Variants in MYO3B observed in about 807,000 individuals in gnomAD.
MYO3B encodes myosin IIIB, also known as myosin-IIIb.
In MYO3B, 156 loss-of-function variants were observed where a neutral mutation model predicts 174.6. The observed-to-expected ratio is 0.89, with a 90% CI of 0.78 to 1.02. MYO3B has a LOEUF of 1.02. MYO3B is among the 50% of genes least tolerant of loss of function. The probability of loss-of-function intolerance (pLI) is 0.00; values close to 1 mark genes in which losing one functional copy is unlikely to be tolerated. For synonymous variants in MYO3B, 563 were observed against 569.1 expected (o/e 0.99, Z 0.15); for missense variants, 1,632 against 1,639.4 (o/e 1.00, Z 0.08).
At chr2:170,393,928 G>T (rs560842756) in intron 16 of MYO3B, among the ~76,000 whole-genome samples, 2 of 152,118 alleles carry the variant, frequency 1.3e-5, no homozygotes, top group Non-Finnish European at 2.9e-5. Flanking sequence ...TTAACTTAAA[G>T]AACAGGTTTT....
chr2:170,521,658 TC>T (rs1688675576), intron 30 of MYO3B, among the ~76,000 whole-genome samples: 1 of 152,200 alleles, frequency 6.6e-6, no homozygotes, highest in Admixed American at 6.5e-5. Flanking sequence ...AGGTAGCACC[TC>T]CCCTGCTTTC....
rs1574691363 is a variant in MYO3B at position 170,271,500 on chromosome 2, C to A, written c.749+35364C>A. On this transcript the variant is annotated intron_variant, in intron 7 of 34. Coordinates refer to ENST00000408978, the MANE Select transcript of MYO3B (RefSeq NM_138995.5). ...GTGTCTCAATTATGAAGGGAGGTGG[C>A]CTACCAAAGTTGATACTTTGATATT... Among the ~76,000 whole-genome samples, 7 of 152,252 alleles carry A rather than the reference C, an allele frequency of 4.6e-5. 1 individual carries two copies. Among genetic ancestry groups the A allele is most frequent in the Admixed American group, 4.6e-4 (7 of 15,284 alleles).
intron 7 of MYO3B, among the ~76,000 whole-genome samples, chr2:170,247,355 G>T (rs2093202735): frequency 6.6e-6 from 1 of 152,168 alleles, no homozygotes; most frequent in Admixed American, 6.5e-5. Context: ...TGTGGAATAT[G>T]ATCCGAAGAG....
At chr2:170,335,624 T>A (rs1035936377) in intron 8 of MYO3B, among the ~76,000 whole-genome samples, 174 bp downstream of exon 8, 2 of 152,212 alleles carry the variant, frequency 1.3e-5, no homozygotes, top group African/African-American at 4.8e-5. Flanking sequence ...ATGTGAAAAG[T>A]AAGGCGTTCC....
chr2:170,181,764 T>G (rs2092402348), intron 1 of MYO3B, among the ~76,000 whole-genome samples: 1 of 152,190 alleles, frequency 6.6e-6, no homozygotes, highest in Non-Finnish European at 1.5e-5. Flanking sequence ...ATATGTAAAG[T>G]AAATGCCTAC....
intron 6 of MYO3B, among the ~76,000 whole-genome samples, chr2:170,228,650 C>G (rs1200107957): frequency 1.3e-5 from 2 of 152,120 alleles, no homozygotes; most frequent in African/African-American, 4.8e-5. Context: ...CTCTTCTACC[C>G]TCCACTAGCT....
intron 32 of MYO3B, among the ~76,000 whole-genome samples, chr2:170,576,046 T>G (rs1692762447): frequency 6.6e-6 from 1 of 152,092 alleles, no homozygotes. Flanking sequence ...CTAGCCAAAG[T>G]CCCCAGACTC....
rs553487010 is a variant in MYO3B, at chr2:170,628,554, C to T, written c.3734-23074C>T. ...CGCTCAGTGCGCTGCACCCACCGTCCGACAAGCCCCTGTGAGATGAACCCG... is the reference window on the plus strand; with the variant it reads ...CGCTCAGTGCGCTGCACCCACCGTCTGACAAGCCCCTGTGAGATGAACCCG... On this transcript the variant is annotated intron_variant, in intron 32 of 34. Coordinates refer to ENST00000408978, the MANE Select transcript of MYO3B (RefSeq NM_138995.5). Among the ~76,000 whole-genome samples, 139 of 152,296 alleles carry T rather than the reference C, an allele frequency of 9.1e-4. 1 individual carries two copies. The Middle Eastern group carries it at 0.014, about 15-fold the overall frequency.
intron 7 of MYO3B, among the ~76,000 whole-genome samples, chr2:170,321,197 A>G (rs1361585950): frequency 1.3e-5 from 2 of 152,226 alleles, no homozygotes; most frequent in Admixed American, 6.5e-5. Context: ...CTGAATACCT[A>G]TATTAATGAT....
rs554467531 is a variant in MYO3B at position 170,321,975 on chromosome 2, G to A, written c.750-13410G>A. 9.9e-5 allele frequency among the ~76,000 whole-genome samples: 15 copies of A among 152,116 alleles called. No homozygotes were observed. In the East Asian group the frequency reaches 1.7e-3, roughly 18 times the overall value. On this transcript the variant is annotated intron_variant, in intron 7 of 34. Coordinates refer to ENST00000408978, the MANE Select transcript of MYO3B (RefSeq NM_138995.5). ...CTAAAAATACCAAAATTAGCTGGGC[G>A]TGGTGGCACGTGCCTGTAATCCCAG...
chr2:170,651,593 G>T (rs763285921), intron 32 of MYO3B, 35 bp from the exon 33 acceptor site: 6 of 1,580,082 alleles, frequency 3.8e-6, no homozygotes, highest in Non-Finnish European at 5.2e-6. Flanking sequence ...CCAACACCTC[G>T]GACAGTTTAC....
chr2:170,224,898 C>T (rs759360336), intron 6 of MYO3B, among the ~76,000 whole-genome samples: 10 of 152,156 alleles, frequency 6.6e-5, no homozygotes, highest in East Asian at 5.8e-4. Flanking sequence ...GCAGAAATAT[C>T]GCAAGCTTTT....
At chr2:170,293,786 T>C (rs1345841896) in intron 7 of MYO3B, among the ~76,000 whole-genome samples, 1 of 139,950 alleles carries the variant, frequency 7.1e-6, no homozygotes, top group Non-Finnish European at 1.5e-5. Flanking sequence ...AGCTGACAGT[T>C]GCTACTGTAC....
chr2:170,193,880 A>C (rs2092569406), intron 1 of MYO3B, among the ~76,000 whole-genome samples: 1 of 152,198 alleles, frequency 6.6e-6, no homozygotes, highest in African/African-American at 2.4e-5. Flanking sequence ...GCATCAAAAA[A>C]TAAAGAAAAA....
chr2:170,379,264 G>A (rs1175854179), intron 9 of MYO3B, among the ~76,000 whole-genome samples: 1 of 147,824 alleles, frequency 6.8e-6, no homozygotes, highest in African/African-American at 2.5e-5. Context: ...GCTTGATCTC[G>A]GCTCACTGCA....
intron 7 of MYO3B, among the ~76,000 whole-genome samples, chr2:170,331,505 C>G (rs2093911412): frequency 6.6e-6 from 1 of 152,092 alleles, no homozygotes; most frequent in Non-Finnish European, 1.5e-5. Flanking sequence ...ACTGAGAAGA[C>G]TTGATACTTG....
chr2:170,374,860 A>T (rs1199670424), intron 9 of MYO3B, among the ~76,000 whole-genome samples: 1 of 151,952 alleles, frequency 6.6e-6, no homozygotes, highest in Non-Finnish European at 1.5e-5. Flanking sequence ...GTACTATTTG[A>T]GATTTGATAG....
intron 22 of MYO3B, among the ~76,000 whole-genome samples, chr2:170,421,207 C>A (rs1231194102): frequency 6.6e-6 from 1 of 152,092 alleles, no homozygotes; most frequent in Non-Finnish European, 1.5e-5. Context: ...GCAGGAAGCC[C>A]ACCAGAATCA....
chr2:170,347,669 A>G (rs1163696538), intron 8 of MYO3B, among the ~76,000 whole-genome samples: 2 of 152,202 alleles, frequency 1.3e-5, no homozygotes, highest in African/African-American at 4.8e-5. Context: ...CTATCATTTA[A>G]CACCAGGTCT....
Sources: gnomAD v4.1 joint callset for allele counts (sites outside exome capture counted in the v4.1 genomes callset) on GRCh38, gnomAD v4.1.1 for gene constraint, MANE v1.5 for transcripts, NCBI Gene and HGNC (gene_info 2026-07-23, HGNC 2026-07-21) for gene names.